The following GGA3 variants were observed in gnomAD, a reference collection of about 807,000 sequenced individuals.
The protein encoded by GGA3 is ADP-ribosylation factor-binding protein GGA3.
In GGA3, 57 loss-of-function variants were observed where a neutral mutation model predicts 77.5. The observed-to-expected ratio is 0.74, with a 90% CI of 0.59 to 0.92. The LOEUF is 0.92. Among genes scored for constraint, GGA3 ranks in the 40% least tolerant of loss-of-function variants. The probability of loss-of-function intolerance (pLI) is 0.00; values close to 1 mark genes in which losing one functional copy is unlikely to be tolerated. For missense variants in GGA3, 970 were observed against 914.9 expected (o/e 1.06, Z -0.78); for synonymous variants, 416 against 383.7 (o/e 1.08, Z -0.98).
chr17:75,243,467 T>C lies in GGA3; in HGVS notation c.404A>G (p.Tyr135Cys). The C allele has an allele frequency of 1.2e-6, 2 of 1,614,232 alleles. No homozygotes were observed. Among genetic ancestry groups the C allele is most frequent in the Non-Finnish European group, 1.7e-6 (2 of 1,180,044 alleles). Residue 135 changes from tyrosine to cysteine, a missense_variant, in exon 5 of 17, where the codon TAC becomes TGC. Transcript: ENST00000537686. The part of the protein sequence containing the change: ...LPEEAKIKDA[Y>C]HMLKRQGIVQ... ...CGTACCCTGTCTCTTCAGCATGTGG[T>C]AGGCGTCTTTGATCTTTGCTTCTTC...
rs1190254410 is a variant in GGA3 at position 75,253,206 on chromosome 17, G to A, written c.41-6410C>T. On this transcript the variant is annotated intron_variant, in intron 1 of 16. Coordinates refer to ENST00000537686, the MANE Select transcript of GGA3 (RefSeq NM_138619.4). ...CTCACCAATTTTAAATCAGGTAGGC[G>A]GCCTCTTCTTACTCTCTTCTCCAAC... Among the ~76,000 whole-genome samples the A allele has an allele frequency of 3.3e-5, 5 of 152,222 alleles. No individual in the cohort carries two copies. In the South Asian group the frequency reaches 6.2e-4, roughly 19 times the overall value.
chr17:75,246,773 G>T lies in GGA3; in HGVS notation c.64C>A (p.Arg22Ser). The change falls in exon 2 of 17, where the codon CGC becomes AGC. Residue 22 changes from arginine (R) to serine (S), a missense_variant. Arg to Ser is a moderately radical substitution (Grantham distance 110). Coordinates refer to ENST00000537686, the MANE Select transcript of GGA3 (RefSeq NM_138619.4). ...WLNKATNPSN[R>S]QEDWEYIIGF... ...ATTATGTATTCCCAGTCCTCCTGGC[G>T]GTTGGAAGGATTGGTGGCTTTATCT... The T allele has an allele frequency of 1.2e-6, 2 of 1,613,132 alleles. No individual in the cohort carries two copies. The highest frequency in any genetic ancestry group is 1.7e-6 in the Non-Finnish European group (2 of 1,179,850).
chr17:75,243,343 G>C, intron 5 of GGA3, 104 bp downstream of exon 5: 1 of 1,443,028 alleles, frequency 6.9e-7, no homozygotes, highest in Non-Finnish European at 9.6e-7. Context: ...GACAAATGCT[G>C]TTCTCTTCAG....
chr17:75,244,682 TCTC>T lies in GGA3; in HGVS notation c.234_236del (p.Arg79del), dbSNP rs764889798. 16 of 1,613,870 alleles carry T rather than the reference TCTC, an allele frequency of 9.9e-6. No homozygotes were observed. The highest frequency in any genetic ancestry group is 1.7e-5 in the Admixed American group (1 of 60,010). ...GGAACTTCCCCACTTCGTTATGAAATCTCCTCCCACAGTTCTTCATGCATGCCT... is the reference window on the plus strand; with the variant it reads ...GGAACTTCCCCACTTCGTTATGAAATCTCCCACAGTTCTTCATGCATGCCT... On this transcript the variant is annotated inframe_deletion, in exon 4 of 17. Transcript: ENST00000537686.
chr17:75,257,675 G>A (rs1189046168), intron 1 of GGA3, among the ~76,000 whole-genome samples: 1 of 151,794 alleles, frequency 6.6e-6, no homozygotes, highest in Non-Finnish European at 1.5e-5. Context: ...ATCCCCACAA[G>A]ATCTCCCTTC....
intron 1 of GGA3, among the ~76,000 whole-genome samples, chr17:75,257,323 G>A (rs1278852251): frequency 7.3e-6 from 1 of 137,386 alleles, no homozygotes; most frequent in South Asian, 2.3e-4. Context: ...ACTATCTTCT[G>A]TCTAGTCATA....
rs1042261218 is a variant in GGA3 at position 75,241,121 on chromosome 17, G to C, written c.947-64C>G. 6 of 1,577,576 alleles carry C rather than the reference G, an allele frequency of 3.8e-6. No homozygotes were observed. In the African/African-American group the frequency reaches 8.1e-5, roughly 21 times the overall value. On this transcript the variant is annotated intron_variant, in intron 10 of 16. Transcript: ENST00000537686. Reference sequence around the variant, plus strand: ...GTCTTCTAGTGGCTGTGTGGCAGGAGGCAGCACCCTAGGCACAGAGGTCAC... The same window carrying C: ...GTCTTCTAGTGGCTGTGTGGCAGGACGCAGCACCCTAGGCACAGAGGTCAC...
At chr17:75,241,352 C>T in intron 10 of GGA3, 48 bp downstream of exon 10, 1 of 1,214,572 alleles carries the variant, frequency 8.2e-7, no homozygotes, top group Non-Finnish European at 1.2e-6. Context: ...TGATAGGGGC[C>T]TGAGGCTGGT....
chr17:75,257,680 C>T (rs1432929727), intron 1 of GGA3, among the ~76,000 whole-genome samples: 2 of 152,142 alleles, frequency 1.3e-5, no homozygotes, highest in African/African-American at 4.8e-5. Context: ...CACAAGATCT[C>T]CCTTCGGCTT....
At chr17:75,248,992 C>A in intron 1 of GGA3, 1 of 985,198 alleles carries the variant, frequency 1.0e-6, no homozygotes, top group Non-Finnish European at 1.2e-6. Flanking sequence ...GCCTCCCCGG[C>A]AGTGTTTCTG....
At chr17:75,244,439 G>C in intron 4 of GGA3, 180 bp downstream of exon 4, 1 of 597,692 alleles carries the variant, frequency 1.7e-6, no homozygotes, top group Non-Finnish European at 3.0e-6. Context: ...AGAAAAAGCT[G>C]CCGGTCCCTG....
At chr17:75,261,752 CT>C, upstream of GGA3, 1 of 1,145,028 alleles carries the variant, frequency 8.7e-7, no homozygotes. Flanking sequence ...TGGCGCTCCC[CT>C]TTGGACCCCG....
Position 75,249,332 on chromosome 17 carries a change from C to T in GGA3, c.41-2536G>A, listed in dbSNP as rs145722881. ...TGCTGGGATTACAGGCGGGAGCCACCGCACCCCGCCTAGGTTCCTCTTTAG... is the reference window on the plus strand; with the variant it reads ...TGCTGGGATTACAGGCGGGAGCCACTGCACCCCGCCTAGGTTCCTCTTTAG... On this transcript the variant is annotated intron_variant, in intron 1 of 16. Coordinates refer to ENST00000537686, the MANE Select transcript of GGA3 (RefSeq NM_138619.4). 1.6e-4 allele frequency among the ~76,000 whole-genome samples: 24 copies of T among 152,234 alleles called. No individual in the cohort carries two copies. In the South Asian group the frequency reaches 1.7e-3, roughly 11 times the overall value.
At chr17:75,248,989 C>G (rs1255738842) in intron 1 of GGA3, 1 of 985,082 alleles carries the variant, frequency 1.0e-6, no homozygotes, top group Non-Finnish European at 1.2e-6. Context: ...TCGGCCTCCC[C>G]GGCAGTGTTT....
At chr17:75,245,751 C>T (rs943599686) in intron 3 of GGA3, among the ~76,000 whole-genome samples, 1 of 152,130 alleles carries the variant, frequency 6.6e-6, no homozygotes, top group Non-Finnish European at 1.5e-5. Flanking sequence ...TCTTGAATTC[C>T]CTTAAGCGAT....
chr17:75,243,651 C>CT, intron 4 of GGA3, 81 bp from the exon 5 acceptor site: 10 of 1,375,356 alleles, frequency 7.3e-6, no homozygotes, highest in Non-Finnish European at 8.0e-6. Context: ...ACAGCAATGG[C>CT]GTGGCTGCTC....
At chr17:75,250,005 C>T (rs1370407252) in intron 1 of GGA3, among the ~76,000 whole-genome samples, 1 of 152,222 alleles carries the variant, frequency 6.6e-6, no homozygotes, top group South Asian at 2.1e-4. Context: ...ACAAAAAGCC[C>T]TAGTTTCTGC....
intron 3 of GGA3, among the ~76,000 whole-genome samples, chr17:75,245,264 G>C (rs774156559): frequency 4.6e-5 from 7 of 152,222 alleles, no homozygotes; most frequent in Non-Finnish European, 1.5e-5. Flanking sequence ...CTAAGGGGGA[G>C]TGCACTGTCC....
chr17:75,237,401 T>G lies in GGA3; in HGVS notation c.*878A>C. On this transcript the variant is annotated 3_prime_UTR_variant, in exon 17 of 17. Coordinates refer to ENST00000537686, the MANE Select transcript of GGA3 (RefSeq NM_138619.4). ...TGAGAGGAGAGGGAGGCCAAAGCAG[T>G]AGGATGTAGAGTGGCGGTAGATTCC... 1 of 1,271,782 alleles carries G rather than the reference T, an allele frequency of 7.9e-7. No individual in the cohort carries two copies. The allele number at this position is 1,271,782 out of a possible 1,614,324, so 78.8% of individuals were successfully genotyped here.
Sources: allele counts gnomAD v4.1 joint callset (sites outside exome capture counted in the v4.1 genomes callset), GRCh38; gene constraint gnomAD v4.1.1; transcripts MANE v1.5; gene names NCBI Gene and HGNC (gene_info 2026-07-23, HGNC 2026-07-21).